GPC6: variants seen among roughly 807,000 people sequenced by gnomAD.
The protein encoded by GPC6 is glypican-6.
A neutral mutation model predicts 55.2 loss-of-function variants in GPC6; 14 were observed. The ratio of observed to expected loss-of-function variants is 0.25; its 90% CI spans 0.17 to 0.40. The LOEUF (loss-of-function observed/expected upper bound fraction) is 0.40. Among genes scored for constraint, GPC6 ranks in the 10% least tolerant of loss-of-function variants. The pLI is 1.00. For missense variants in GPC6, 641 were observed against 708.5 expected (o/e 0.90, Z 1.08); for synonymous variants, 278 against 259.6 (o/e 1.07, Z -0.68).
intron 4 of GPC6, among the ~76,000 whole-genome samples, chr13:94,269,796 G>T (rs7989081): frequency 6.6e-6 from 1 of 151,918 alleles, no homozygotes; most frequent in African/African-American, 2.4e-5. Context: ...GCTTTACTGC[G>T]CTCCCTCCTA....
At chr13:93,698,640 A>T (rs753843865) in intron 2 of GPC6, among the ~76,000 whole-genome samples, 4 of 151,412 alleles carry the variant, frequency 2.6e-5, no homozygotes, top group Non-Finnish European at 5.9e-5. Context: ...TTGATCATCT[A>T]TTCTTCTAAA....
intron 1 of GPC6, among the ~76,000 whole-genome samples, chr13:93,409,173 C>A (rs536948570): frequency 1.1e-4 from 17 of 151,266 alleles, no homozygotes; most frequent in Middle Eastern, 3.4e-3. Flanking sequence ...GTCCCATGCA[C>A]CCTAGTGTAA....
intron 1 of GPC6, among the ~76,000 whole-genome samples, chr13:93,405,068 T>A (rs1421813565): frequency 6.6e-6 from 1 of 152,188 alleles, no homozygotes; most frequent in East Asian, 1.9e-4. Context: ...CAGTTGGGTT[T>A]ATTTTTATTT....
chr13:94,244,549 T>A (rs1891143880), intron 4 of GPC6, among the ~76,000 whole-genome samples: 2 of 152,280 alleles, frequency 1.3e-5, no homozygotes, highest in African/African-American at 2.4e-5. Context: ...TCTAAGAAAT[T>A]CCTTAAACAT....
intron 4 of GPC6, among the ~76,000 whole-genome samples, chr13:94,044,880 A>G (rs756620060): frequency 1.2e-4 from 18 of 151,838 alleles, no homozygotes; most frequent in South Asian, 2.1e-4. Flanking sequence ...ATATTATTTA[A>G]CTGAACAAAT....
chr13:93,295,750 C>T (rs1433748889), intron 1 of GPC6, among the ~76,000 whole-genome samples: 1 of 151,868 alleles, frequency 6.6e-6, no homozygotes. Flanking sequence ...CTGTGTCATC[C>T]AGGAGGGAGT....
In GPC6 at chr13:93,560,766, C is replaced by CA. The variant is rs34043494; in HGVS notation, c.319+15361dup. 2.1e-3 allele frequency among the ~76,000 whole-genome samples: 268 copies of CA among 125,418 alleles called. 3 individuals carry two copies. The highest frequency in any genetic ancestry group is 3.0e-3 in the Admixed American group (38 of 12,764). 82.3% of individuals were successfully genotyped at this position (125,418 alleles called of 152,430 possible). A position where few individuals can be genotyped will look rare whatever the true frequency, so the allele number is the denominator to read the frequency against. On this transcript the variant is annotated intron_variant, in intron 2 of 8. Coordinates refer to ENST00000377047, the MANE Select transcript of GPC6 (RefSeq NM_005708.5). ...GGGCGACAGAGCGAGACTCCGCCTCCAAAAAAAAAAAAAAAAGAATTTTGC... is the reference window on the plus strand; with the variant it reads ...GGGCGACAGAGCGAGACTCCGCCTCCAAAAAAAAAAAAAAAAAGAATTTTGC...
intron 2 of GPC6, among the ~76,000 whole-genome samples, chr13:93,765,701 A>C (rs1390694153): frequency 6.6e-6 from 1 of 152,200 alleles, no homozygotes; most frequent in Non-Finnish European, 1.5e-5. Context: ...AGCTACAGAA[A>C]TACAGGACAA....
intron 1 of GPC6, among the ~76,000 whole-genome samples, chr13:93,240,707 T>A (rs1361645951): frequency 1.3e-5 from 2 of 152,166 alleles, no homozygotes; most frequent in South Asian, 4.1e-4. Context: ...TGTTTTGTAT[T>A]CTCCATCATG....
intron 8 of GPC6, among the ~76,000 whole-genome samples, chr13:94,399,548 C>G (rs1459888377): frequency 6.6e-6 from 1 of 152,156 alleles, no homozygotes; most frequent in Non-Finnish European, 1.5e-5. Flanking sequence ...GCCAGTGATT[C>G]TGTAATTTGG....
chr13:94,263,582 A>C (rs1187628467), intron 4 of GPC6, among the ~76,000 whole-genome samples: 1 of 152,222 alleles, frequency 6.6e-6, no homozygotes. Context: ...CATTTTTGCT[A>C]GCATGTCAAA....
intron 3 of GPC6, among the ~76,000 whole-genome samples, chr13:93,887,876 A>G (rs1437708147): frequency 2.0e-5 from 3 of 152,138 alleles, no homozygotes; most frequent in Non-Finnish European, 2.9e-5. Flanking sequence ...GGACCCATAA[A>G]TGAACATAAT....
At chr13:93,364,262 T>C (rs1881157445) in intron 1 of GPC6, among the ~76,000 whole-genome samples, 1 of 152,192 alleles carries the variant, frequency 6.6e-6, no homozygotes, top group African/African-American at 2.4e-5. Context: ...AAGATTATTC[T>C]TGGTGGATGA....
intron 2 of GPC6, among the ~76,000 whole-genome samples, chr13:93,673,875 A>C (rs935053680): frequency 1.3e-5 from 2 of 152,178 alleles, no homozygotes; most frequent in Non-Finnish European, 2.9e-5. Context: ...ATTTGATTAC[A>C]TCATGGACTG....
At chr13:93,257,611 T>TTAAAC (rs1876999751) in intron 1 of GPC6, among the ~76,000 whole-genome samples, 1 of 152,186 alleles carries the variant, frequency 6.6e-6, no homozygotes, top group Non-Finnish European at 1.5e-5. Context: ...ACTCTTGTAG[T>TTAAAC]ATCTCGCATA....
chr13:94,053,760 G>A (rs909064705), intron 4 of GPC6, among the ~76,000 whole-genome samples: 4 of 152,084 alleles, frequency 2.6e-5, no homozygotes, highest in African/African-American at 4.8e-5. Context: ...TCTTTTCCAC[G>A]ATGATTAGAA....
At chr13:93,339,544 T>C (rs77500480) in intron 1 of GPC6, among the ~76,000 whole-genome samples, 1,700 of 152,270 alleles carry the variant, frequency 0.011, 33 homozygotes, top group African/African-American at 0.038. Context: ...TAGTCAATAA[T>C]TGTTGAATGC....
intron 1 of GPC6, among the ~76,000 whole-genome samples, chr13:93,543,809 T>C (rs9301896): frequency 0.88 from 133,792 of 152,078 alleles, 59,250 homozygotes; most frequent in Middle Eastern, 0.92. Flanking sequence ...CTTTGATGTA[T>C]TGATTTCCTT....
chr13:94,026,114 T>G (rs1882885908), intron 3 of GPC6, among the ~76,000 whole-genome samples: 1 of 152,162 alleles, frequency 6.6e-6, no homozygotes, highest in Non-Finnish European at 1.5e-5. Flanking sequence ...CATAAAATTT[T>G]GGAAAGAAAA....
Sources: allele counts gnomAD v4.1 joint callset (sites outside exome capture counted in the v4.1 genomes callset), GRCh38; gene constraint gnomAD v4.1.1; transcripts MANE v1.5; gene names NCBI Gene and HGNC (gene_info 2026-07-23, HGNC 2026-07-21).